Variants in PACRG observed in about 807,000 individuals in gnomAD.
PACRG encodes parkin coregulated.
In PACRG, 29 loss-of-function variants were observed where a neutral mutation model predicts 29.7. The ratio of observed to expected loss-of-function variants is 0.98; its 90% CI spans 0.73 to 1.33. The LOEUF (loss-of-function observed/expected upper bound fraction) is 1.33, where lower values mean the gene tolerates loss of function less well. Ranked by LOEUF, PACRG falls within the 40% of genes most tolerant of loss-of-function variation. The pLI is 0.00. For synonymous variants in PACRG, 116 were observed against 118.7 expected, an observed-to-expected ratio of 0.98 and a Z score of 0.15; for missense variants, 279 against 316.2, an observed-to-expected ratio of 0.88 and a Z score of 0.89.
chr6:163,039,053 A>C lies in PACRG; in HGVS notation c.292-23097A>C, dbSNP rs574329212. Among the ~76,000 whole-genome samples the C allele has an allele frequency of 2.7e-4, 41 of 152,306 alleles. 1 individual carries two copies. The highest frequency in any genetic ancestry group is 3.4e-3 in the Middle Eastern group (1 of 294). On this transcript the variant is annotated intron_variant, in intron 2 of 4. Transcript: ENST00000366888. ...AACTGTTATCCCTGTGTGTCGAGGGAGGGACCTGGTGGAAGATGATTGGAT... is the reference window on the plus strand; with the variant it reads ...AACTGTTATCCCTGTGTGTCGAGGGCGGGACCTGGTGGAAGATGATTGGAT...
At chr6:163,119,451 A>G (rs1438060751) in intron 4 of PACRG, among the ~76,000 whole-genome samples, 1 of 152,248 alleles carries the variant, frequency 6.6e-6, no homozygotes, top group Non-Finnish European at 1.5e-5. Flanking sequence ...CACGATGATC[A>G]AGTGATTGGT....
chr6:163,249,572 T>G (rs1782825067), intron 4 of PACRG, among the ~76,000 whole-genome samples: 1 of 152,196 alleles, frequency 6.6e-6, no homozygotes, highest in Admixed American at 6.5e-5. Flanking sequence ...CTCTCTCGCC[T>G]CCTGTGCCTG....
chr6:163,028,832 A>T (rs1439568206), intron 2 of PACRG, among the ~76,000 whole-genome samples: 1 of 152,202 alleles, frequency 6.6e-6, no homozygotes, highest in Non-Finnish European at 1.5e-5. Context: ...CAATTTTCTT[A>T]TAAATTTGTT....
intron 2 of PACRG, among the ~76,000 whole-genome samples, chr6:163,006,204 T>TAA (rs1483618743): frequency 5.1e-5 from 6 of 116,744 alleles, no homozygotes; most frequent in East Asian, 7.3e-4. Flanking sequence ...TATATATATA[T>TAA]ATCCCATATA....
intron 2 of PACRG, among the ~76,000 whole-genome samples, chr6:163,014,855 A>T (rs2128214843): frequency 6.6e-6 from 1 of 152,228 alleles, no homozygotes; most frequent in South Asian, 2.1e-4. Context: ...TAGTTTAATT[A>T]GATCCATTTG....
chr6:163,193,901 TTTTTTTC>T (rs1227680188), intron 4 of PACRG, among the ~76,000 whole-genome samples: 25 of 83,892 alleles, frequency 3.0e-4, no homozygotes, highest in African/African-American at 7.6e-4. Flanking sequence ...TTTTTTTTTT[TTTTTTTC>T]CTGAGATGGA....
intron 2 of PACRG, chr6:163,046,452 A>T (rs1214094726): frequency 6.6e-6 from 1 of 151,792 alleles, no homozygotes; most frequent in Admixed American, 6.6e-5. Flanking sequence ...GCTAAATGGT[A>T]TCATTTCATC....
intron 2 of PACRG, among the ~76,000 whole-genome samples, chr6:162,876,981 G>C (rs1793409342): frequency 6.6e-6 from 1 of 152,212 alleles, no homozygotes; most frequent in South Asian, 2.1e-4. Flanking sequence ...CTTTTACACT[G>C]TTGGTGGGAG....
chr6:163,249,015 CAAAAAAAAAAA>C (rs57866351), intron 4 of PACRG, among the ~76,000 whole-genome samples: 7 of 107,490 alleles, frequency 6.5e-5, no homozygotes, highest in Admixed American at 5.9e-4. Flanking sequence ...GACTCTGTCT[CAAAAAAAAAAA>C]AAAAAAAAAA....
intron 4 of PACRG, among the ~76,000 whole-genome samples, chr6:163,153,549 T>C (rs536569320): frequency 3.9e-5 from 6 of 152,330 alleles, no homozygotes; most frequent in Admixed American, 3.9e-4. Context: ...TCTTGGAGTT[T>C]CTAAAAGGGG....
intron 4 of PACRG, among the ~76,000 whole-genome samples, chr6:163,161,782 G>A (rs945454124): frequency 1.3e-4 from 20 of 152,112 alleles, no homozygotes; most frequent in African/African-American, 2.2e-4. Context: ...AGTTCATTCC[G>A]TGGCTCCGTT....
intron 4 of PACRG, among the ~76,000 whole-genome samples, chr6:163,243,905 G>A (rs145822352): frequency 5.4e-4 from 82 of 152,344 alleles, no homozygotes; most frequent in African/African-American, 1.9e-3. Context: ...AACAGGGTCC[G>A]TGATTGATGG....
chr6:163,065,240 G>T (rs528738980), intron 3 of PACRG, among the ~76,000 whole-genome samples: 5 of 152,158 alleles, frequency 3.3e-5, no homozygotes, highest in African/African-American at 1.2e-4. Flanking sequence ...GACATAAAGT[G>T]CTCAGGGTTG....
intron 1 of PACRG, among the ~76,000 whole-genome samples, chr6:162,813,667 A>G (rs1787075062): frequency 6.6e-6 from 1 of 152,146 alleles, no homozygotes; most frequent in African/African-American, 2.4e-5. Flanking sequence ...TAGTAGTTTT[A>G]TTGTTAATAT....
Position 163,227,404 on chromosome 6 carries a change from C to T in PACRG, c.614-87423C>T, listed in dbSNP as rs149480225. Among the ~76,000 whole-genome samples the T allele has an allele frequency of 4.1e-4, 63 of 152,314 alleles. 1 individual carries two copies. Among genetic ancestry groups the T allele is most frequent in the Admixed American group, 1.2e-3 (19 of 15,302 alleles). ...CCAAAGCACACCTCCCACCAGGCCT[C>T]GCCTCCAACACTGGGGATTCCATTT... is the stretch of plus-strand genomic sequence containing the variant. On this transcript the variant is annotated intron_variant, in intron 4 of 4. Coordinates refer to ENST00000366888, the MANE Select transcript of PACRG (RefSeq NM_001080379.2).
chr6:163,307,838 GA>G (rs964852520), intron 4 of PACRG, among the ~76,000 whole-genome samples: 7 of 151,856 alleles, frequency 4.6e-5, no homozygotes, highest in Admixed American at 3.9e-4. Context: ...TGTTTAAAAA[GA>G]AAAAAAATGA....
At chr6:163,272,922 T>C (rs9365547) in intron 4 of PACRG, among the ~76,000 whole-genome samples, 37,725 of 114,158 alleles carry the variant, frequency 0.33, 6,284 homozygotes, top group African/African-American at 0.42. Flanking sequence ...GACGGAGTCT[T>C]GCTCTGTCGC....
intron 4 of PACRG, among the ~76,000 whole-genome samples, chr6:163,207,219 T>A (rs777081634): frequency 2.2e-4 from 34 of 152,190 alleles, no homozygotes; most frequent in Non-Finnish European, 4.6e-4. Flanking sequence ...CAAGCTTTCC[T>A]TTTAGAAAGT....
chr6:163,111,489 C>T (rs1202756358), intron 4 of PACRG, among the ~76,000 whole-genome samples: 1 of 152,206 alleles, frequency 6.6e-6, no homozygotes, highest in Non-Finnish European at 1.5e-5. Flanking sequence ...AATATTCAAC[C>T]TTCAAATTTA....
Sources: gnomAD v4.1 joint callset for allele counts (sites outside exome capture counted in the v4.1 genomes callset) on GRCh38, gnomAD v4.1.1 for gene constraint, MANE v1.5 for transcripts, NCBI Gene and HGNC (gene_info 2026-07-23, HGNC 2026-07-21) for gene names.